SPRYD7: variants seen among roughly 807,000 people sequenced by gnomAD.
SPRYD7 encodes SPRY domain containing 7.
A neutral mutation model predicts 23.8 loss-of-function variants in SPRYD7; 14 were observed. The observed-to-expected ratio is 0.59, with a 90% CI of 0.39 to 0.92. The LOEUF (loss-of-function observed/expected upper bound fraction) is 0.92, where lower values mean the gene tolerates loss of function less well. SPRYD7 is among the 40% of genes least tolerant of loss of function. The probability of loss-of-function intolerance (pLI) is 0.00; values close to 1 mark genes in which losing one functional copy is unlikely to be tolerated. For missense variants in SPRYD7, 194 were observed against 241.7 expected (o/e 0.80, Z 1.31); for synonymous variants, 75 against 84.9 (o/e 0.88, Z 0.64).
chr13:49,921,374 AC>A, intron 4 of SPRYD7, 103 bp downstream of exon 4: 2 of 723,744 alleles, frequency 2.8e-6, no homozygotes, highest in Admixed American at 2.1e-5. Context: ...TTTATAAATT[AC>A]CAAGTCTTGG....
chr13:49,914,996 T>A lies in SPRYD7; in HGVS notation c.*67A>T. The A allele has an allele frequency of 1.1e-6, 1 of 889,516 alleles. No homozygotes were observed. The allele number at this position is 889,516 out of a possible 1,614,324, so 55.1% of individuals were successfully genotyped here. A position where few individuals can be genotyped will look rare whatever the true frequency, so the allele number is the denominator to read the frequency against. ...AATATATTTTCATCTATAGGCCAGGTAAAGTTTTATTAAATGATGAACATT... is the reference window on the plus strand; with the variant it reads ...AATATATTTTCATCTATAGGCCAGGAAAAGTTTTATTAAATGATGAACATT... On this transcript the variant is annotated 3_prime_UTR_variant, in exon 5 of 5. Coordinates refer to ENST00000361840, the MANE Select transcript of SPRYD7 (RefSeq NM_020456.4).
At chr13:49,915,703 T>G (rs943492093) in intron 4 of SPRYD7, among the ~76,000 whole-genome samples, 5 of 152,190 alleles carry the variant, frequency 3.3e-5, no homozygotes, top group Non-Finnish European at 7.3e-5. Flanking sequence ...CGGTATTTAC[T>G]CAAGAGAAAT....
chr13:49,917,092 T>C (rs189475971), intron 4 of SPRYD7, among the ~76,000 whole-genome samples: 1 of 152,154 alleles, frequency 6.6e-6, no homozygotes, highest in Non-Finnish European at 1.5e-5. Context: ...ACTTTGTTTT[T>C]TTTTGTTTTG....
At chr13:49,931,899 G>A (rs761682078) in intron 1 of SPRYD7, among the ~76,000 whole-genome samples, 11 of 152,206 alleles carry the variant, frequency 7.2e-5, no homozygotes, top group Non-Finnish European at 1.6e-4. Flanking sequence ...AGTGAACTGA[G>A]ATTGCACCAC....
rs745772059 is a variant in SPRYD7 at position 49,921,556 on chromosome 13, A to T, written c.415T>A (p.Leu139Ile). The change falls in exon 4 of 5, where the codon TTA (leucine) becomes ATA (isoleucine). Residue 139 changes from leucine (L) to isoleucine (I), a missense_variant. Physicochemically the swap from Leu to Ile is conservative, Grantham distance 5 (BLOSUM62 2). Coordinates refer to ENST00000361840, the MANE Select transcript of SPRYD7 (RefSeq NM_020456.4). ...VVGITYDHVE[L>I]NVYLNGKNMH... Reference sequence around the variant, plus strand: ...TTTTTTCCATTCAAGTATACATTTAATTCGACATGGTCATAAGTAATACCC... The same window carrying T: ...TTTTTTCCATTCAAGTATACATTTATTTCGACATGGTCATAAGTAATACCC... 5.6e-6 allele frequency: 9 copies of T among 1,611,806 alleles called. No homozygotes were observed. Among genetic ancestry groups the T allele is most frequent in the Non-Finnish European group, 5.9e-6 (7 of 1,178,006 alleles).
intron 2 of SPRYD7, among the ~76,000 whole-genome samples, chr13:49,929,540 G>A (rs1446813287): frequency 3.3e-5 from 5 of 152,262 alleles, no homozygotes; most frequent in Non-Finnish European, 7.4e-5. Flanking sequence ...CTGTTGCCCA[G>A]GCTGGAGCGC....
In SPRYD7 at chr13:49,913,251, C is replaced by T. The variant is rs1955711905; in HGVS notation, c.*1812G>A. On this transcript the variant is annotated 3_prime_UTR_variant, in exon 5 of 5. Transcript: ENST00000361840. Reference sequence around the variant, plus strand: ...CCTGGACAACATGGTGAAACCCCATCTCTACTAAAAATACAAAAATTACAC... The same window carrying T: ...CCTGGACAACATGGTGAAACCCCATTTCTACTAAAAATACAAAAATTACAC... The T allele has an allele frequency of 6.6e-6, 1 of 152,090 alleles. No individual in the cohort carries two copies. Among genetic ancestry groups the T allele is most frequent in the Non-Finnish European group, 1.5e-5 (1 of 68,100 alleles). 9.4% of individuals were successfully genotyped at this position (152,090 alleles called of 1,614,324 possible). A position where few individuals can be genotyped will look rare whatever the true frequency, so the allele number is the denominator to read the frequency against.
intron 4 of SPRYD7, among the ~76,000 whole-genome samples, chr13:49,916,072 C>G (rs1427818488): frequency 6.6e-6 from 1 of 152,052 alleles, no homozygotes; most frequent in African/African-American, 2.4e-5. Flanking sequence ...ATATAAGAGG[C>G]AGAAGGAAAC....
At chr13:49,925,744 G>A (rs180979879) in intron 3 of SPRYD7, among the ~76,000 whole-genome samples, 2 of 151,794 alleles carry the variant, frequency 1.3e-5, no homozygotes, top group African/African-American at 2.4e-5. Flanking sequence ...CCCAGGAGGT[G>A]TAGCTTGCAG....
intron 3 of SPRYD7, 28 bp from the exon 4 acceptor site, chr13:49,921,608 A>G (rs1193329619): frequency 6.4e-6 from 9 of 1,400,136 alleles, no homozygotes; most frequent in East Asian, 4.6e-5. Flanking sequence ...GAAACGTTCC[A>G]TAAAAGCTGA....
Position 49,931,088 on chromosome 13 carries a change from T to C in SPRYD7, c.153A>G (p.Thr51=). ...IVKNGRRICG[T]GGCLASAPLH... is the part of the protein sequence containing the mutation. ...AAGGTGCGCTGGCTAAACAACCTCC[T>C]GTTCCACATATTCTTCTTCCATTCT... Residue 51 remains threonine, a synonymous_variant, in exon 2 of 5, where the codon ACA becomes ACG. Transcript: ENST00000361840. 1 of 1,613,640 alleles carries C rather than the reference T, an allele frequency of 6.2e-7. No homozygotes were observed. Among genetic ancestry groups the C allele is most frequent in the Non-Finnish European group, 8.5e-7 (1 of 1,179,708 alleles).
At chr13:49,916,207 G>GA (rs1955749679) in intron 4 of SPRYD7, among the ~76,000 whole-genome samples, 1 of 152,164 alleles carries the variant, frequency 6.6e-6, no homozygotes, top group Non-Finnish European at 1.5e-5. Context: ...CCTGGGTGAG[G>GA]AATGCAGCTG....
chr13:49,921,141 A>C (rs1955814356), intron 4 of SPRYD7, among the ~76,000 whole-genome samples: 1 of 152,076 alleles, frequency 6.6e-6, no homozygotes, highest in Non-Finnish European at 1.5e-5. Context: ...AGTGGGAGGT[A>C]ATTGAATCAT....
Position 49,928,050 on chromosome 13 carries a change from T to A in SPRYD7, c.259A>T (p.Asn87Tyr), listed in dbSNP as rs1240435143. Residue 87 changes from asparagine (N) to tyrosine (Y), a missense_variant, in exon 3 of 5, where the codon AAC (asparagine) becomes TAC (tyrosine). Asn to Tyr is a moderately radical substitution (Grantham distance 143). Transcript: ENST00000361840. ...WGIGVATQKVNLNQIPLGRDM... is the reference protein window; with the variant it reads ...WGIGVATQKVYLNQIPLGRDM... ...CGGCCAAGAGGAATCTGATTCAAGT[T>A]AACCTTCTGAGTTGCAACACCAATA... 1 of 1,614,128 alleles carries A rather than the reference T, an allele frequency of 6.2e-7. No homozygotes were observed. The highest frequency in any genetic ancestry group is 2.2e-5 in the East Asian group (1 of 44,880).
intron 4 of SPRYD7, among the ~76,000 whole-genome samples, chr13:49,920,249 G>GCAAAACAAAACAAAACAAAA: frequency 6.7e-6 from 1 of 149,522 alleles, no homozygotes; most frequent in South Asian, 2.1e-4. Flanking sequence ...AGACTCTGTC[G>GCAAAACAAAACAAAACAAAA]CAAAACAAAA....
At chr13:49,925,637 C>T (rs1427202373) in intron 3 of SPRYD7, among the ~76,000 whole-genome samples, 1 of 151,688 alleles carries the variant, frequency 6.6e-6, no homozygotes, top group African/African-American at 2.4e-5. Context: ...CAGTGAAAAC[C>T]CGTCTCTAGT....
chr13:49,929,290 A>C (rs186993348), intron 2 of SPRYD7, among the ~76,000 whole-genome samples: 1 of 152,328 alleles, frequency 6.6e-6, no homozygotes, highest in Admixed American at 6.5e-5. Flanking sequence ...AGCCTGGGTG[A>C]CAGAGCAAGA....
intron 4 of SPRYD7, among the ~76,000 whole-genome samples, chr13:49,917,793 T>C (rs1420342825): frequency 6.6e-6 from 1 of 152,212 alleles, no homozygotes; most frequent in Non-Finnish European, 1.5e-5. Context: ...TAAATTTCCA[T>C]TTACTCAAGT....
chr13:49,934,632 T>A (rs1594520764), intron 1 of SPRYD7, among the ~76,000 whole-genome samples: 1 of 150,916 alleles, frequency 6.6e-6, no homozygotes, highest in East Asian at 2.0e-4. Context: ...ATGACATTAC[T>A]CTATTTCATC....
Sources: gnomAD v4.1 joint callset for allele counts (sites outside exome capture counted in the v4.1 genomes callset) on GRCh38, gnomAD v4.1.1 for gene constraint, MANE v1.5 for transcripts, NCBI Gene and HGNC (gene_info 2026-07-23, HGNC 2026-07-21) for gene names.